The following CADM2 variants were observed in gnomAD, a reference collection of about 807,000 sequenced individuals.
CADM2 encodes immunoglobulin superfamily member 4D.
In CADM2, 12 loss-of-function variants were observed where a neutral mutation model predicts 49.8. That is an observed-to-expected ratio of 0.24 (90% CI 0.15 to 0.39). The LOEUF is 0.39. Ranked by LOEUF, CADM2 falls within the 10% of genes least tolerant of loss-of-function variation. The probability of loss-of-function intolerance (pLI) is 1.00; values close to 1 mark genes in which losing one functional copy is unlikely to be tolerated. For synonymous variants in CADM2, 214 were observed against 175.4 expected (o/e 1.22, Z -1.74); for missense variants, 378 against 492.3 (o/e 0.77, Z 2.20).
At chr3:85,451,321 T>A (rs533308525) in intron 1 of CADM2, among the ~76,000 whole-genome samples, 2 of 152,244 alleles carry the variant, frequency 1.3e-5, no homozygotes, top group African/African-American at 4.8e-5. Flanking sequence ...CAAAAGCTAA[T>A]TTATATAATA....
intron 1 of CADM2, among the ~76,000 whole-genome samples, chr3:85,011,834 T>A (rs917369404): frequency 6.6e-6 from 1 of 151,926 alleles, no homozygotes; most frequent in Non-Finnish European, 1.5e-5. Context: ...TGCATGCCAC[T>A]GCACTACAAC....
At chr3:85,470,479 A>G (rs551552831) in intron 1 of CADM2, among the ~76,000 whole-genome samples, 6 of 152,344 alleles carry the variant, frequency 3.9e-5, no homozygotes, top group African/African-American at 1.4e-4. Flanking sequence ...ATAGGGTTTT[A>G]TTAGAGTGCA....
chr3:84,966,543 A>T (rs973588374), intron 1 of CADM2, among the ~76,000 whole-genome samples: 1 of 152,046 alleles, frequency 6.6e-6, no homozygotes, highest in African/African-American at 2.4e-5. Flanking sequence ...AAACACACAC[A>T]CAAGTCTTAC....
chr3:85,722,110 G>C (rs1010702753), intron 1 of CADM2, among the ~76,000 whole-genome samples: 9 of 152,038 alleles, frequency 5.9e-5, no homozygotes, highest in African/African-American at 1.2e-4. Flanking sequence ...GCTCTCAGCA[G>C]AGAGGAAGCC....
At chr3:85,468,153 C>CA (rs57721920) in intron 1 of CADM2, among the ~76,000 whole-genome samples, 1,515 of 55,322 alleles carry the variant, frequency 0.027, 161 homozygotes, top group African/African-American at 0.046. Context: ...GACTCCGTCT[C>CA]AAAAAAAAAA....
chr3:85,423,676 T>G (rs532567703), intron 1 of CADM2, among the ~76,000 whole-genome samples: 2 of 152,292 alleles, frequency 1.3e-5, no homozygotes, highest in Non-Finnish European at 2.9e-5. Flanking sequence ...CATAATTATT[T>G]TGGTTTCTGT....
At chr3:85,651,217 G>T (rs2065033156) in intron 1 of CADM2, among the ~76,000 whole-genome samples, 1 of 152,022 alleles carries the variant, frequency 6.6e-6, no homozygotes, top group Non-Finnish European at 1.5e-5. Flanking sequence ...GAAAAATTCA[G>T]TGAACATTTT....
chr3:85,321,543 A>G (rs1001079305), intron 1 of CADM2, among the ~76,000 whole-genome samples: 1 of 151,990 alleles, frequency 6.6e-6, no homozygotes, highest in African/African-American at 2.4e-5. Flanking sequence ...AATTCAGATA[A>G]TGTTTTAAAG....
At chr3:85,589,691 T>G (rs961165115) in intron 1 of CADM2, among the ~76,000 whole-genome samples, 2 of 152,038 alleles carry the variant, frequency 1.3e-5, no homozygotes, top group Non-Finnish European at 2.9e-5. Context: ...AAGAAGAAAT[T>G]TGTTTAATTA....
At chr3:85,157,660 C>A (rs1203695401) in intron 1 of CADM2, among the ~76,000 whole-genome samples, 1 of 151,308 alleles carries the variant, frequency 6.6e-6, no homozygotes, top group African/African-American at 2.4e-5. Flanking sequence ...AAACTGGATC[C>A]CTTCCTTACA....
chr3:85,923,193 G>A (rs942140337), intron 6 of CADM2, among the ~76,000 whole-genome samples: 3 of 152,156 alleles, frequency 2.0e-5, no homozygotes, highest in Non-Finnish European at 2.9e-5. Flanking sequence ...TATGGACTGT[G>A]TAAAGTAAAT....
At chr3:85,733,200 G>A (rs1198382549) in intron 2 of CADM2, among the ~76,000 whole-genome samples, 2 of 152,174 alleles carry the variant, frequency 1.3e-5, no homozygotes, top group South Asian at 4.1e-4. Flanking sequence ...AAGGTAATTA[G>A]TTTCTCAATA....
chr3:85,000,676 A>G (rs1168885454), intron 1 of CADM2, among the ~76,000 whole-genome samples: 1 of 151,192 alleles, frequency 6.6e-6, no homozygotes, highest in Non-Finnish European at 1.5e-5. Flanking sequence ...AAACAAATTC[A>G]CTCTTGGTTG....
chr3:86,054,625 T>A (rs773130397), intron 8 of CADM2, among the ~76,000 whole-genome samples: 9 of 152,124 alleles, frequency 5.9e-5, no homozygotes, highest in Admixed American at 2.6e-4. Context: ...TTATTCTTTA[T>A]TATACTAAGT....
At chr3:85,118,370 A>G (rs60399717) in intron 1 of CADM2, among the ~76,000 whole-genome samples, 18,099 of 152,236 alleles carry the variant, frequency 0.12, 2,390 homozygotes, top group African/African-American at 0.33. Flanking sequence ...TGATAAAGAT[A>G]TACCCAAAAC....
intron 3 of CADM2, among the ~76,000 whole-genome samples, chr3:85,881,135 C>A (rs1470711042): frequency 6.6e-6 from 1 of 151,938 alleles, no homozygotes; most frequent in Non-Finnish European, 1.5e-5. Flanking sequence ...AATTCTATTT[C>A]TCTGTCTTTA....
intron 3 of CADM2, among the ~76,000 whole-genome samples, chr3:85,828,751 T>C (rs1265319133): frequency 2.0e-5 from 3 of 151,976 alleles, no homozygotes; most frequent in African/African-American, 7.2e-5. Flanking sequence ...ATTTTCATCC[T>C]ACAAACCATA....
intron 1 of CADM2, among the ~76,000 whole-genome samples, chr3:85,495,079 T>C (rs1372795077): frequency 3.3e-5 from 5 of 152,198 alleles, no homozygotes; most frequent in Admixed American, 6.5e-5. Context: ...AGTGGCACAT[T>C]TCGCAATCAG....
chr3:85,497,186 C>T (rs549714837), intron 1 of CADM2, among the ~76,000 whole-genome samples: 74 of 151,684 alleles, frequency 4.9e-4, no homozygotes, highest in Non-Finnish European at 9.6e-4. Context: ...AATGGGGTTG[C>T]TAGTTTTTTT....
Sources: allele counts gnomAD v4.1 joint callset (sites outside exome capture counted in the v4.1 genomes callset), GRCh38; gene constraint gnomAD v4.1.1; transcripts MANE v1.5; gene names NCBI Gene and HGNC (gene_info 2026-07-23, HGNC 2026-07-21).